FAM178B: variants seen among roughly 807,000 people sequenced by gnomAD.
FAM178B encodes protein FAM178B.
FAM178B carries 82 observed loss-of-function variants against 91.7 expected under a neutral mutation model. That is an observed-to-expected ratio of 0.89 (90% CI 0.75 to 1.07). FAM178B has a LOEUF of 1.07. FAM178B is among the 50% of genes least tolerant of loss of function. The pLI is 0.00. For synonymous variants in FAM178B, 368 were observed against 359.4 expected, an observed-to-expected ratio of 1.02 and a Z score of -0.27; for missense variants, 769 against 846.7, an observed-to-expected ratio of 0.91 and a Z score of 1.14.
Position 96,983,053 on chromosome 2 carries a change from A to G in FAM178B, c.73+3188T>C, listed in dbSNP as rs183214677. 2.7e-3 allele frequency among the ~76,000 whole-genome samples: 396 copies of G among 146,484 alleles called. 10 individuals are homozygous for G. Among genetic ancestry groups the G allele is most frequent in the Admixed American group, 0.026 (387 of 14,658 alleles). Reference sequence around the variant, plus strand: ...ACCACCATGCCTGGCTAATTTTAAAATATTTTTGTAGAGACAGGGTTCTTG... The same window carrying G: ...ACCACCATGCCTGGCTAATTTTAAAGTATTTTTGTAGAGACAGGGTTCTTG... On this transcript the variant is annotated intron_variant, in intron 1 of 16. Transcript: ENST00000490605.
intron 8 of FAM178B, chr2:96,938,884 A>G (rs758048943): frequency 6.6e-6 from 1 of 152,376 alleles, no homozygotes; most frequent in Non-Finnish European, 1.5e-5. Flanking sequence ...AGAGAAGTCC[A>G]TAACAGAGAG....
rs76160534 is a variant in FAM178B, at chr2:96,934,265, G to A, written c.1079-4945C>T. On this transcript the variant is annotated intron_variant, in intron 8 of 16. Transcript: ENST00000490605. The stretch of plus-strand genomic sequence containing the variant: ...TGGTCAGGGGACGCTGGAGCACCCT[G>A]AGTGACTTGGGGAGCCTGGCAGAGA... Among the ~76,000 whole-genome samples the A allele has an allele frequency of 1.6e-3, 237 of 152,346 alleles. 1 individual carries two copies. Among genetic ancestry groups the A allele is most frequent in the African/African-American group, 4.9e-3 (203 of 41,576 alleles).
At chr2:96,954,121 G>C (rs1463944976) in intron 6 of FAM178B, among the ~76,000 whole-genome samples, 1 of 152,218 alleles carries the variant, frequency 6.6e-6, no homozygotes, top group African/African-American at 2.4e-5. Flanking sequence ...GAGAATGTTG[G>C]AGGGCCCTGG....
intron 12 of FAM178B, among the ~76,000 whole-genome samples, chr2:96,919,662 G>T (rs993831792): frequency 6.6e-6 from 1 of 152,146 alleles, no homozygotes. Flanking sequence ...CAGGAGGCAG[G>T]GTCGGCCTCT....
chr2:96,909,299 T>A (rs1433465223), intron 12 of FAM178B, among the ~76,000 whole-genome samples: 2 of 152,164 alleles, frequency 1.3e-5, no homozygotes, highest in Non-Finnish European at 2.9e-5. Context: ...ACAGCCCAAA[T>A]TCATTTACCG....
chr2:96,944,234 T>C (rs1225533958), intron 8 of FAM178B, among the ~76,000 whole-genome samples: 1 of 103,898 alleles, frequency 9.6e-6, no homozygotes, highest in African/African-American at 4.4e-5. Context: ...AGAGCAAGAC[T>C]CCATCTCAAA....
Position 96,930,210 on chromosome 2 carries a change from CAAAAAAAA to C in FAM178B, c.1079-898_1079-891del, listed in dbSNP as rs60102987. Among the ~76,000 whole-genome samples the C allele has an allele frequency of 1.1e-3, 42 of 39,478 alleles. 1 individual carries two copies. The highest frequency in any genetic ancestry group is 8.1e-3 in the East Asian group (11 of 1,352). 25.9% of individuals were successfully genotyped at this position (39,478 alleles called of 152,430 possible). A position where few individuals can be genotyped will look rare whatever the true frequency, so the allele number is the denominator to read the frequency against. On this transcript the variant is annotated intron_variant, in intron 8 of 16. Coordinates refer to ENST00000490605, the MANE Select transcript of FAM178B (RefSeq NM_001122646.3). ...GTGACAGAGCGAGACTCCGTCTCTCCAAAAAAAAAAAAAAAAAAAAAAAAAAAAAAAAA... is the reference window on the plus strand; with the variant it reads ...GTGACAGAGCGAGACTCCGTCTCTCCAAAAAAAAAAAAAAAAAAAAAAAAA...
chr2:96,972,708 A>C (rs2082239318), intron 1 of FAM178B, 102 bp from the exon 2 acceptor site: 1 of 1,092,496 alleles, frequency 9.2e-7, no homozygotes, highest in South Asian at 1.4e-5. Context: ...CACTGTGCCC[A>C]AGAGGGTCCG....
intron 13 of FAM178B, among the ~76,000 whole-genome samples, chr2:96,900,286 G>A: frequency 6.6e-6 from 1 of 152,006 alleles, no homozygotes; most frequent in Non-Finnish European, 1.5e-5. Flanking sequence ...CTTCCTCACA[G>A]AGACCATCTA....
intron 12 of FAM178B, among the ~76,000 whole-genome samples, chr2:96,918,007 T>C (rs1363342696): frequency 6.6e-6 from 1 of 152,038 alleles, no homozygotes; most frequent in African/African-American, 2.4e-5. Context: ...AAGCCAGTCC[T>C]GAAAGAGAAG....
intron 3 of FAM178B, among the ~76,000 whole-genome samples, chr2:96,971,423 A>C (rs2153375732): frequency 1.3e-5 from 2 of 151,988 alleles, no homozygotes; most frequent in Middle Eastern, 6.8e-3. Context: ...TTCTCGATCC[A>C]CAGCCTGTAA....
intron 9 of FAM178B, among the ~76,000 whole-genome samples, chr2:96,924,062 TAGG>T (rs997255366): frequency 2.6e-5 from 4 of 152,118 alleles, no homozygotes; most frequent in African/African-American, 9.6e-5. Flanking sequence ...TGACTTGGTG[TAGG>T]AGGAGGCTAC....
intron 12 of FAM178B, among the ~76,000 whole-genome samples, chr2:96,905,535 C>A (rs374118715): frequency 1.4e-5 from 2 of 140,186 alleles, no homozygotes. Flanking sequence ...CAAGCCTGGG[C>A]GACAGAGCGA....
chr2:96,900,156 T>A (rs2080899561), intron 13 of FAM178B, among the ~76,000 whole-genome samples: 1 of 152,178 alleles, frequency 6.6e-6, no homozygotes, highest in African/African-American at 2.4e-5. Flanking sequence ...GCCTCCACTC[T>A]GCGCTGGGCC....
At chr2:96,976,413 T>TA (rs982648297) in intron 1 of FAM178B, among the ~76,000 whole-genome samples, 1 of 151,762 alleles carries the variant, frequency 6.6e-6, no homozygotes, top group African/African-American at 2.4e-5. Flanking sequence ...TTAATAAACT[T>TA]AAACATTGAA....
intron 13 of FAM178B, among the ~76,000 whole-genome samples, chr2:96,896,505 G>A (rs1301534431): frequency 6.6e-6 from 1 of 152,138 alleles, no homozygotes; most frequent in Non-Finnish European, 1.5e-5. Context: ...GCTGGCAGCT[G>A]GCTCTACAAA....
At position 96,880,294 on chromosome 2, in the gene FAM178B, G is replaced by A. The variant is rs78070370; in HGVS notation, c.1777-1801C>T. 2.1e-3 allele frequency among the ~76,000 whole-genome samples: 313 copies of A among 152,158 alleles called. 5 individuals carry two copies. The East Asian group carries it at 0.053, about 26-fold the overall frequency. ...AGGGCTGATGACAGACCCTGAGGGCGGTTCCAGAAACAGAAGCCACAGACC... is the reference window on the plus strand; with the variant it reads ...AGGGCTGATGACAGACCCTGAGGGCAGTTCCAGAAACAGAAGCCACAGACC... On this transcript the variant is annotated intron_variant, in intron 14 of 16. Coordinates refer to ENST00000490605, the MANE Select transcript of FAM178B (RefSeq NM_001122646.3).
chr2:96,877,767 T>G (rs1490012304), intron 16 of FAM178B, 123 bp downstream of exon 16: 4 of 980,064 alleles, frequency 4.1e-6, no homozygotes, highest in Non-Finnish European at 6.0e-6. Flanking sequence ...ACATGCCCAC[T>G]CCACCCATAT....
intron 12 of FAM178B, among the ~76,000 whole-genome samples, chr2:96,903,920 A>C (rs149684740): frequency 6.6e-6 from 1 of 152,292 alleles, no homozygotes; most frequent in East Asian, 1.9e-4. Flanking sequence ...GGACTCGACA[A>C]AGCAGCGGAC....
Sources: gnomAD v4.1 joint callset for allele counts (sites outside exome capture counted in the v4.1 genomes callset) on GRCh38, gnomAD v4.1.1 for gene constraint, MANE v1.5 for transcripts, NCBI Gene and HGNC (gene_info 2026-07-23, HGNC 2026-07-21) for gene names.